OSBPL8: variants seen among roughly 807,000 people sequenced by gnomAD.
The protein encoded by OSBPL8 is oxysterol-binding protein-related protein 8.
Under a neutral mutation model 125.5 loss-of-function variants are expected in OSBPL8, and 59 were observed. The ratio of observed to expected loss-of-function variants is 0.47; its 90% CI spans 0.38 to 0.58. The LOEUF (loss-of-function observed/expected upper bound fraction) is 0.58. Among genes scored for constraint, OSBPL8 ranks in the 20% least tolerant of loss-of-function variants. The probability of loss-of-function intolerance (pLI) is 0.00; values close to 1 mark genes in which losing one functional copy is unlikely to be tolerated. For missense variants in OSBPL8, 758 were observed against 1,047.8 expected, an observed-to-expected ratio of 0.72 and a Z score of 3.82; for synonymous variants, 330 against 338.9, an observed-to-expected ratio of 0.97 and a Z score of 0.29.
At chr12:76,448,025 T>C (rs1326434481) in intron 4 of OSBPL8, among the ~76,000 whole-genome samples, 3 of 152,192 alleles carry the variant, frequency 2.0e-5, no homozygotes, top group Non-Finnish European at 4.4e-5. Flanking sequence ...ATAGACTAGG[T>C]GTTAGGTTAT....
intron 11 of OSBPL8, 130 bp from the exon 12 acceptor site, chr12:76,389,959 A>C (rs1953488572): frequency 1.5e-6 from 1 of 647,790 alleles, no homozygotes; most frequent in Admixed American, 4.0e-5. Flanking sequence ...GTGGAAACAA[A>C]AAATAATAAT....
chr12:76,470,582 C>T (rs895709248), intron 2 of OSBPL8, among the ~76,000 whole-genome samples: 1 of 152,184 alleles, frequency 6.6e-6, no homozygotes, highest in Non-Finnish European at 1.5e-5. Flanking sequence ...AGCCTACATT[C>T]TAGATTAAAT....
At chr12:76,379,190 A>T (rs1222148209) in intron 15 of OSBPL8, among the ~76,000 whole-genome samples, 4 of 152,220 alleles carry the variant, frequency 2.6e-5, no homozygotes, top group Non-Finnish European at 4.4e-5. Context: ...GAATAAAACC[A>T]TTATTTTTTA....
intron 4 of OSBPL8, among the ~76,000 whole-genome samples, chr12:76,417,790 CA>C (rs1293910039): frequency 5.3e-5 from 8 of 152,098 alleles, no homozygotes; most frequent in African/African-American, 2.4e-5. Context: ...GCTTTAAAAA[CA>C]TTAGTTTGTA....
intron 21 of OSBPL8, 82 bp from the exon 22 acceptor site, chr12:76,358,893 T>C (rs1952093021): frequency 5.1e-6 from 5 of 979,428 alleles, no homozygotes; most frequent in Non-Finnish European, 8.1e-6. Context: ...CAAAATTATC[T>C]GCACATAGGC....
intron 6 of OSBPL8, among the ~76,000 whole-genome samples, chr12:76,401,050 T>TG (rs1565865494): frequency 6.6e-6 from 1 of 152,148 alleles, no homozygotes; most frequent in Non-Finnish European, 1.5e-5. Flanking sequence ...CTCAAAGTGC[T>TG]GGGATTACAG....
At chr12:76,391,816 G>T (rs1953572244) in intron 10 of OSBPL8, among the ~76,000 whole-genome samples, 1 of 152,020 alleles carries the variant, frequency 6.6e-6, no homozygotes, top group African/African-American at 2.4e-5. Context: ...CAAGCAAAAT[G>T]ATAGGGAAGA....
intron 1 of OSBPL8, among the ~76,000 whole-genome samples, chr12:76,549,858 A>G (rs1396559649): frequency 6.6e-6 from 1 of 152,092 alleles, no homozygotes; most frequent in Non-Finnish European, 1.5e-5. Context: ...TTTGCCTCTC[A>G]TACATACTTC....
chr12:76,514,415 T>C (rs1592829160), intron 1 of OSBPL8, among the ~76,000 whole-genome samples: 1 of 147,294 alleles, frequency 6.8e-6, no homozygotes, highest in Admixed American at 6.8e-5. Flanking sequence ...CCTCCCAAAG[T>C]GCTGGGATTA....
At chr12:76,417,213 C>G (rs1157987604) in intron 4 of OSBPL8, among the ~76,000 whole-genome samples, 1 of 152,202 alleles carries the variant, frequency 6.6e-6, no homozygotes, top group Non-Finnish European at 1.5e-5. Context: ...TGAAATCACT[C>G]TCCTTTTGCC....
At chr12:76,403,430 C>T (rs1954131662) in intron 5 of OSBPL8, among the ~76,000 whole-genome samples, 2 of 152,150 alleles carry the variant, frequency 1.3e-5, no homozygotes, top group Non-Finnish European at 2.9e-5. Context: ...GTTTAATCTC[C>T]ATTTTACAAA....
chr12:76,405,583 G>T (rs987150881), intron 5 of OSBPL8, among the ~76,000 whole-genome samples: 1 of 152,150 alleles, frequency 6.6e-6, no homozygotes, highest in South Asian at 2.1e-4. Flanking sequence ...TTGGTAAACC[G>T]CCCTCAAGGA....
chr12:76,367,764 A>G (rs928235937), intron 21 of OSBPL8, among the ~76,000 whole-genome samples: 1 of 152,060 alleles, frequency 6.6e-6, no homozygotes, highest in Non-Finnish European at 1.5e-5. Context: ...ATTTACACCT[A>G]CCTCTACAAC....
intron 6 of OSBPL8, among the ~76,000 whole-genome samples, chr12:76,400,590 A>AATC (rs1486633944): frequency 6.6e-6 from 1 of 152,068 alleles, no homozygotes; most frequent in Non-Finnish European, 1.5e-5. Flanking sequence ...CTTTTATCCT[A>AATC]ATCTAGTATT....
intron 2 of OSBPL8, among the ~76,000 whole-genome samples, chr12:76,473,898 C>T (rs1876485039): frequency 6.6e-6 from 1 of 152,144 alleles, no homozygotes; most frequent in East Asian, 1.9e-4. Context: ...TTCTATCTAT[C>T]TCATAGGGTT....
intron 1 of OSBPL8, among the ~76,000 whole-genome samples, chr12:76,496,169 A>T (rs1879246751): frequency 6.7e-6 from 1 of 148,538 alleles, no homozygotes; most frequent in African/African-American, 2.5e-5. Flanking sequence ...TGTCTGTAGT[A>T]TTTTTTTTTT....
intron 12 of OSBPL8, among the ~76,000 whole-genome samples, chr12:76,388,846 A>G (rs1160239994): frequency 6.6e-6 from 1 of 151,922 alleles, no homozygotes; most frequent in African/African-American, 2.4e-5. Flanking sequence ...TTATTTTTTG[A>G]CTCAGCTTAT....
At chr12:76,356,162 T>TGGGGGGGGGGGGGTTGGGGGGGGG in intron 23 of OSBPL8, 141 bp from the exon 24 acceptor site, 2 of 131,274 alleles carry the variant, frequency 1.5e-5, no homozygotes, top group Non-Finnish European at 3.1e-5. Context: ...TATGTAGGGG[T>TGGGGGGGGGGGGGTTGGGGGGGGG]GGGGGGGGGC....
chr12:76,453,153 G>T (rs7302005), intron 3 of OSBPL8, among the ~76,000 whole-genome samples: 3 of 151,926 alleles, frequency 2.0e-5, no homozygotes, highest in Non-Finnish European at 4.4e-5. Context: ...ATGAGAGAAG[G>T]AAGTTTTGTC....
Sources: gnomAD v4.1 joint callset for allele counts (sites outside exome capture counted in the v4.1 genomes callset) on GRCh38, gnomAD v4.1.1 for gene constraint, MANE v1.5 for transcripts, NCBI Gene and HGNC (gene_info 2026-07-23, HGNC 2026-07-21) for gene names.